KAZN: variants seen among roughly 807,000 people sequenced by gnomAD.
KAZN encodes the protein kazrin, periplakin interacting protein, also known as kazrin.
A neutral mutation model predicts 87.4 loss-of-function variants in KAZN; 40 were observed. The observed-to-expected ratio is 0.46, with a 90% confidence interval of 0.36 to 0.60. The LOEUF is 0.60. Among genes scored for constraint, KAZN ranks in the 20% least tolerant of loss-of-function variants. The pLI, the probability that KAZN is intolerant of heterozygous loss-of-function variation, is 0.00. For missense variants in KAZN, 898 were observed against 1,073.9 expected (o/e 0.84, Z 2.29); for synonymous variants, 466 against 458.3 (o/e 1.02, Z -0.22).
chr1:14,426,624 T>C (rs1665746219), intron 2 of KAZN, among the ~76,000 whole-genome samples: 1 of 152,166 alleles, frequency 6.6e-6, no homozygotes, highest in Admixed American at 6.5e-5. Context: ...ACTGAGGTGA[T>C]GCTTTCTGAT....
At chr1:14,496,394 G>A (rs1175931551) in intron 2 of KAZN, among the ~76,000 whole-genome samples, 1 of 152,144 alleles carries the variant, frequency 6.6e-6, no homozygotes, top group Non-Finnish European at 1.5e-5. Context: ...GGGGGTGCTT[G>A]TGCATGCGAA....
intron 2 of KAZN, among the ~76,000 whole-genome samples, chr1:14,205,651 G>C (rs1049393047): frequency 6.6e-6 from 1 of 151,918 alleles, no homozygotes; most frequent in East Asian, 1.9e-4. Context: ...TTGGGAGGCC[G>C]AGGTGGGCAG....
At chr1:14,595,680 CAAA>C (rs34080804), upstream of KAZN, among the ~76,000 whole-genome samples, 9 of 96,636 alleles carry the variant, frequency 9.3e-5, no homozygotes, top group Non-Finnish European at 1.2e-4. Flanking sequence ...GACTGCGTCT[CAAA>C]AAAAAAAAAA....
intron 1 of KAZN, among the ~76,000 whole-genome samples, chr1:14,911,511 T>G (rs866962787): frequency 6.6e-6 from 1 of 152,190 alleles, no homozygotes; most frequent in Non-Finnish European, 1.5e-5. Context: ...AGTGGGAAGT[T>G]TGGGTGGTCC....
intron 2 of KAZN, among the ~76,000 whole-genome samples, chr1:14,360,169 C>T (rs1659384310): frequency 6.6e-6 from 1 of 152,132 alleles, no homozygotes; most frequent in Admixed American, 6.6e-5. Context: ...GTCTTGTCTT[C>T]AAACTTTATT....
At chr1:14,426,934 G>A (rs1665765073) in intron 2 of KAZN, among the ~76,000 whole-genome samples, 4 of 152,136 alleles carry the variant, frequency 2.6e-5, no homozygotes, top group Admixed American at 2.6e-4. Flanking sequence ...CACTCACCCA[G>A]CAATTGTGAA....
At chr1:14,409,192 G>A (rs897372409) in intron 2 of KAZN, among the ~76,000 whole-genome samples, 5 of 152,136 alleles carry the variant, frequency 3.3e-5, no homozygotes, top group Non-Finnish European at 7.4e-5. Context: ...GCATAGATGA[G>A]CTTTCCAGAA....
intron 1 of KAZN, among the ~76,000 whole-genome samples, chr1:14,795,168 C>T (rs1645792753): frequency 6.6e-6 from 1 of 152,094 alleles, no homozygotes; most frequent in South Asian, 2.1e-4. Flanking sequence ...GGGACTTTGT[C>T]TTGTGATCAC....
intron 6 of KAZN, chr1:15,062,688 A>G (rs1247330880): frequency 6.6e-6 from 1 of 152,354 alleles, no homozygotes; most frequent in Non-Finnish European, 1.5e-5. Context: ...CTCCCTAGTA[A>G]TGACTGTTTT....
chr1:14,595,466 T>G (rs960437460), upstream of KAZN, among the ~76,000 whole-genome samples: 4 of 151,656 alleles, frequency 2.6e-5, no homozygotes, highest in Non-Finnish European at 4.4e-5. Context: ...TTGCTTGAGG[T>G]CAGGAGTTCG....
At chr1:14,386,024 T>C (rs1160937050) in intron 2 of KAZN, among the ~76,000 whole-genome samples, 1 of 151,986 alleles carries the variant, frequency 6.6e-6, no homozygotes, top group Non-Finnish European at 1.5e-5. Context: ...ATTTTTAGGA[T>C]AGTTAGCTCT....
intron 1 of KAZN, among the ~76,000 whole-genome samples, chr1:13,960,252 A>G (rs1641700011): frequency 6.6e-6 from 1 of 152,216 alleles, no homozygotes; most frequent in Non-Finnish European, 1.5e-5. Flanking sequence ...AATCCCTACA[A>G]GGACGGCACT....
At chr1:14,705,968 C>T (rs1027894837) in intron 1 of KAZN, among the ~76,000 whole-genome samples, 4 of 152,130 alleles carry the variant, frequency 2.6e-5, no homozygotes, top group Non-Finnish European at 5.9e-5. Context: ...GTGAATGAAA[C>T]TTCATCTGTA....
chr1:13,921,596 C>T (rs1640068973), intron 1 of KAZN, among the ~76,000 whole-genome samples: 1 of 152,158 alleles, frequency 6.6e-6, no homozygotes, highest in African/African-American at 2.4e-5. Context: ...AGTCTTTCCT[C>T]ATGCTTCTAT....
intron 2 of KAZN, among the ~76,000 whole-genome samples, chr1:14,488,760 A>G (rs541578023): frequency 7.6e-4 from 115 of 152,292 alleles, no homozygotes; most frequent in African/African-American, 2.3e-3. Context: ...GAAGTGCAAG[A>G]AAGTTTCTTC....
chr1:15,093,194 C>T (rs763612475), intron 8 of KAZN, among the ~76,000 whole-genome samples: 8 of 152,060 alleles, frequency 5.3e-5, no homozygotes, highest in Non-Finnish European at 8.8e-5. Context: ...TCCTCCACAG[C>T]GAAAGTGAAC....
intron 2 of KAZN, among the ~76,000 whole-genome samples, chr1:14,512,641 C>T (rs1557768360): frequency 6.6e-6 from 1 of 152,204 alleles, no homozygotes; most frequent in Non-Finnish European, 1.5e-5. Context: ...TAAGGCCCAT[C>T]CCCAAGGTCA....
At chr1:15,022,858 G>T (rs1466072916) in intron 2 of KAZN, among the ~76,000 whole-genome samples, 1 of 152,176 alleles carries the variant, frequency 6.6e-6, no homozygotes. Context: ...CTACCTGGAT[G>T]GTCCTGGGTC....
At chr1:13,925,310 T>C (rs1480689521) in intron 1 of KAZN, among the ~76,000 whole-genome samples, 1 of 152,216 alleles carries the variant, frequency 6.6e-6, no homozygotes, top group Admixed American at 6.5e-5. Context: ...TACTTTGCCA[T>C]AGTTTTGAAA....
Sources: gnomAD v4.1 joint callset for allele counts (sites outside exome capture counted in the v4.1 genomes callset) on GRCh38, gnomAD v4.1.1 for gene constraint, MANE v1.5 for transcripts, NCBI Gene and HGNC (gene_info 2026-07-23, HGNC 2026-07-21) for gene names.